The following ESYT2 variants were observed in gnomAD, a reference collection of about 807,000 sequenced individuals.
ESYT2 encodes extended synaptotagmin-2.
In ESYT2, 54 loss-of-function variants were observed where a neutral mutation model predicts 107.2. That is an observed-to-expected ratio of 0.50 (90% CI 0.40 to 0.63). The LOEUF is 0.63. Among genes scored for constraint, ESYT2 ranks in the 30% least tolerant of loss-of-function variants. The pLI is 0.00. For synonymous variants in ESYT2, 491 were observed against 434.1 expected (o/e 1.13, Z -1.63); for missense variants, 1,020 against 1,094.5 (o/e 0.93, Z 0.96).
intron 7 of ESYT2, among the ~76,000 whole-genome samples, chr7:158,768,096 T>C (rs1030633177): frequency 6.6e-6 from 1 of 152,256 alleles, no homozygotes; most frequent in African/African-American, 2.4e-5. Context: ...CATAATTTCC[T>C]AAATAACATT....
Position 158,798,915 on chromosome 7 carries a change from C to A in ESYT2, c.372+116G>T, listed in dbSNP as rs1194276845. On this transcript the variant is annotated intron_variant, in intron 2 of 22. Transcript: ENST00000275418. Reference sequence around the variant, plus strand: ...GGTCTTTGGGGACCAGAAGCCAACCCACTAAAGTCCAAACGAGCTCAAATA... The same window carrying A: ...GGTCTTTGGGGACCAGAAGCCAACCAACTAAAGTCCAAACGAGCTCAAATA... The A allele has an allele frequency of 8.3e-6, 8 of 960,428 alleles. No individual in the cohort carries two copies. The East Asian group carries it at 9.8e-5, about 12-fold the overall frequency. The allele number at this position is 960,428 out of a possible 1,614,324, so 59.5% of individuals were successfully genotyped here.
At chr7:158,790,153 C>G (rs1839241258) in intron 4 of ESYT2, among the ~76,000 whole-genome samples, 1 of 152,160 alleles carries the variant, frequency 6.6e-6, no homozygotes, top group Non-Finnish European at 1.5e-5. Context: ...GCCCTAGCAC[C>G]AAATATTTTA....
intron 11 of ESYT2, among the ~76,000 whole-genome samples, chr7:158,760,809 G>T (rs1021533165): frequency 3.3e-5 from 5 of 152,168 alleles, no homozygotes; most frequent in Admixed American, 6.5e-5. Flanking sequence ...AATGCTAAAT[G>T]ATAGAAGCCA....
chr7:158,740,770 G>A (rs887061840), intron 18 of ESYT2, among the ~76,000 whole-genome samples: 1 of 152,214 alleles, frequency 6.6e-6, no homozygotes, highest in Non-Finnish European at 1.5e-5. Flanking sequence ...AGAAAAAAGT[G>A]AGTGTGGCTC....
rs545742168 is a variant in ESYT2 at position 158,743,611 on chromosome 7, C to A, written c.1712G>T (p.Ser571Ile). 12 of 1,613,764 alleles carry A rather than the reference C, an allele frequency of 7.4e-6. No homozygotes were observed. The highest frequency in any genetic ancestry group is 2.7e-5 in the African/African-American group (2 of 75,012). The change falls in exon 17 of 23, where the codon AGT (serine) becomes ATT (isoleucine). Residue 571 changes from serine to isoleucine, a missense_variant. Transcript: ENST00000275418. ...LKVPLSQLLT[S>I]EDMTVSQRFQ... ...GCGCTGGCTCACAGTCATGTCCTCA[C>A]TGGTGAGCAGCTGGCTGAGGGGGAC...
chr7:158,804,921 G>A (rs951902835), intron 1 of ESYT2, among the ~76,000 whole-genome samples: 1 of 152,188 alleles, frequency 6.6e-6, no homozygotes, highest in African/African-American at 2.4e-5. Flanking sequence ...CACTTCTGTG[G>A]GGCCTGGGGA....
chr7:158,761,153 A>G (rs561438952), intron 11 of ESYT2, among the ~76,000 whole-genome samples: 1 of 152,236 alleles, frequency 6.6e-6, no homozygotes, highest in African/African-American at 2.4e-5. Context: ...CAAACACCTG[A>G]AAATCTCCAT....
At chr7:158,814,331 ATATATATATATATATG>A (rs1308252910) in intron 1 of ESYT2, among the ~76,000 whole-genome samples, 99 of 5,824 alleles carry the variant, frequency 0.017, 6 homozygotes, top group South Asian at 0.081. Flanking sequence ...ATATATATAT[ATATATATATATATATG>A]AAATAATATA....
chr7:158,770,663 T>C (rs1214434547), intron 7 of ESYT2, among the ~76,000 whole-genome samples: 8 of 151,950 alleles, frequency 5.3e-5, no homozygotes, highest in Non-Finnish European at 1.0e-4. Context: ...TACAGGCGCC[T>C]GCCACCATGC....
intron 1 of ESYT2, among the ~76,000 whole-genome samples, chr7:158,826,933 G>C (rs924300526): frequency 2.0e-5 from 3 of 151,850 alleles, no homozygotes; most frequent in African/African-American, 7.3e-5. Flanking sequence ...GGGAGGCCAA[G>C]GCAGGCGGAA....
intron 1 of ESYT2, among the ~76,000 whole-genome samples, chr7:158,818,859 G>T (rs59439927): frequency 6.6e-6 from 1 of 152,162 alleles, no homozygotes. Context: ...TCTGCGAGAC[G>T]GTGGGAGCCT....
chr7:158,823,274 G>A (rs1315247808), intron 1 of ESYT2, among the ~76,000 whole-genome samples: 10 of 112,168 alleles, frequency 8.9e-5, no homozygotes, highest in Non-Finnish European at 1.5e-4. Context: ...CAGCCTGGGC[G>A]ACAGAGTGAG....
At chr7:158,767,902 T>G in intron 7 of ESYT2, 128 bp from the exon 8 acceptor site, 2 of 1,061,638 alleles carry the variant, frequency 1.9e-6, no homozygotes, top group Non-Finnish European at 2.6e-6. Context: ...AGTTATCTCA[T>G]TCCTCCAGTG....
At chr7:158,771,438 G>A (rs939735132) in intron 7 of ESYT2, among the ~76,000 whole-genome samples, 4 of 152,264 alleles carry the variant, frequency 2.6e-5, no homozygotes, top group African/African-American at 4.8e-5. Flanking sequence ...GCCTTCTGTA[G>A]GGGTGTATGT....
At chr7:158,805,993 T>C (rs1042320788) in intron 1 of ESYT2, among the ~76,000 whole-genome samples, 1 of 152,186 alleles carries the variant, frequency 6.6e-6, no homozygotes, top group Non-Finnish European at 1.5e-5. Flanking sequence ...GCCACAGCTG[T>C]GGCCACCATG....
In ESYT2 at chr7:158,734,142, G is replaced by T; in HGVS notation, c.*65C>A. On this transcript the variant is annotated 3_prime_UTR_variant, in exon 23 of 23. Coordinates refer to ENST00000275418, the MANE Select transcript of ESYT2 (RefSeq NM_001367773.1). ...ATAAAAATAACATTGGTACGTCTGT[G>T]AGAGGGTGTGTTCCGGGTAGAGGTG... 6.5e-7 allele frequency: 1 copy of T among 1,531,908 alleles called. No individual in the cohort carries two copies. The highest frequency in any genetic ancestry group is 9.0e-7 in the Non-Finnish European group (1 of 1,107,006). 94.9% of individuals were successfully genotyped at this position (1,531,908 alleles called of 1,614,324 possible). A position where few individuals can be genotyped will look rare whatever the true frequency, so the allele number is the denominator to read the frequency against.
intron 8 of ESYT2, among the ~76,000 whole-genome samples, chr7:158,765,309 T>C (rs950090253): frequency 6.6e-6 from 1 of 152,246 alleles, no homozygotes; most frequent in African/African-American, 2.4e-5. Flanking sequence ...GTATCAGACC[T>C]GTCACGAAGC....
rs530796566 is a variant in ESYT2 at position 158,737,230 on chromosome 7, A to C, written c.2268-51T>G. ...AGGTATTAGGACCGAGAAAAAGAGA[A>C]TGAGCAGCACATTCAGATATGCTTT... On this transcript the variant is annotated intron_variant, in intron 19 of 22. Coordinates refer to ENST00000275418, the MANE Select transcript of ESYT2 (RefSeq NM_001367773.1). The C allele has an allele frequency of 3.8e-6, 6 of 1,586,496 alleles. No homozygotes were observed. The East Asian group carries it at 1.4e-4, about 36-fold the overall frequency.
chr7:158,771,869 A>T (rs1838384358), intron 7 of ESYT2, among the ~76,000 whole-genome samples: 1 of 152,312 alleles, frequency 6.6e-6, no homozygotes, highest in Admixed American at 6.5e-5. Flanking sequence ...CTGTAATCCC[A>T]GCACTTTGGG....
Sources: allele counts gnomAD v4.1 joint callset (sites outside exome capture counted in the v4.1 genomes callset), GRCh38; gene constraint gnomAD v4.1.1; transcripts MANE v1.5; gene names NCBI Gene and HGNC (gene_info 2026-07-23, HGNC 2026-07-21).